Variants in ANGPT2 observed in about 807,000 individuals in gnomAD.
The protein encoded by ANGPT2 is angiopoietin 2.
A neutral mutation model predicts 62.9 loss-of-function variants in ANGPT2; 28 were observed. The ratio of observed to expected loss-of-function variants is 0.44; its 90% CI spans 0.33 to 0.61. ANGPT2 has a LOEUF of 0.61. ANGPT2 is among the 20% of genes least tolerant of loss of function. ANGPT2 has a pLI of 0.03. For synonymous variants in ANGPT2, 284 were observed against 207.8 expected (o/e 1.37, Z -3.15); for missense variants, 727 against 594.9 (o/e 1.22, Z -2.31).
chr8:6,552,815 C>CT (rs57835088), intron 1 of ANGPT2, among the ~76,000 whole-genome samples: 9,153 of 146,194 alleles, frequency 0.063, 639 homozygotes, highest in African/African-American at 0.18. Flanking sequence ...GTTATTCCTG[C>CT]TTTTTTTTTT....
At chr8:6,551,051 G>C (rs559047765) in intron 1 of ANGPT2, among the ~76,000 whole-genome samples, 10 of 152,322 alleles carry the variant, frequency 6.6e-5, no homozygotes, top group South Asian at 4.1e-4. Context: ...CCCTTGTTTT[G>C]AGAAGGGGTA....
At chr8:6,548,562 C>T (rs1823025455) in intron 1 of ANGPT2, among the ~76,000 whole-genome samples, 1 of 152,216 alleles carries the variant, frequency 6.6e-6, no homozygotes, top group Admixed American at 6.5e-5. Context: ...ACCAGCCAAA[C>T]TTGCAAGGCA....
chr8:6,513,189 T>A (rs1383461447), intron 7 of ANGPT2, among the ~76,000 whole-genome samples: 1 of 152,218 alleles, frequency 6.6e-6, no homozygotes, highest in East Asian at 1.9e-4. Flanking sequence ...GAAGTTTCTT[T>A]TATATTGTTA....
chr8:6,532,094 C>T (rs948892876), intron 2 of ANGPT2, among the ~76,000 whole-genome samples: 2 of 152,300 alleles, frequency 1.3e-5, no homozygotes, highest in Non-Finnish European at 2.9e-5. Context: ...AAATGACTCA[C>T]ATGTCTTCAG....
At chr8:6,561,487 C>T (rs930609239) in intron 1 of ANGPT2, among the ~76,000 whole-genome samples, 2 of 152,290 alleles carry the variant, frequency 1.3e-5, no homozygotes, top group East Asian at 3.9e-4. Flanking sequence ...TTCTGAGATT[C>T]AGATAAGGTG....
In ANGPT2 at chr8:6,528,202, T is replaced by C. The variant is rs1437230797; in HGVS notation, c.445-526A>G. Among the ~76,000 whole-genome samples the C allele has an allele frequency of 2.6e-5, 4 of 152,244 alleles. No individual in the cohort carries two copies. The East Asian group carries it at 5.8e-4, about 22-fold the overall frequency. ...CATTAGCCACTGCACCCGGCCGTTA[T>C]GTCTCTATCTTGGAAAGTGGTTAGT... On this transcript the variant is annotated intron_variant, in intron 2 of 8. Coordinates refer to ENST00000629816, the MANE Select transcript of ANGPT2 (RefSeq NM_001118887.2).
At chr8:6,522,637 G>T (rs1313237126) in intron 3 of ANGPT2, among the ~76,000 whole-genome samples, 1 of 151,756 alleles carries the variant, frequency 6.6e-6, no homozygotes, top group Non-Finnish European at 1.5e-5. Context: ...AGCCAAGCGT[G>T]GGGGTACATG....
intron 7 of ANGPT2, 62 bp from the exon 8 acceptor site, chr8:6,509,124 A>G: frequency 6.4e-7 from 1 of 1,570,894 alleles, no homozygotes; most frequent in South Asian, 1.2e-5. Context: ...GTAGTGGCAA[A>G]TTTTTTGTGA....
At chr8:6,535,643 TAAAAG>T (rs554100886) in intron 1 of ANGPT2, among the ~76,000 whole-genome samples, 88 of 152,220 alleles carry the variant, frequency 5.8e-4, no homozygotes, top group Non-Finnish European at 1.1e-3. Flanking sequence ...ATCATTTAAA[TAAAAG>T]AAAATTCTGT....
At chr8:6,533,415 G>T (rs56268917) in intron 1 of ANGPT2, among the ~76,000 whole-genome samples, 3,661 of 152,202 alleles carry the variant, frequency 0.024, 73 homozygotes, top group Non-Finnish European at 0.035. Flanking sequence ...TTATAGTCTT[G>T]GTTCTAGGAA....
chr8:6,507,512 T>C (rs909532659), intron 8 of ANGPT2: 3 of 152,056 alleles, frequency 2.0e-5, no homozygotes, highest in African/African-American at 7.2e-5. Context: ...CTAAGTAGCG[T>C]TTGTTCCTGT....
intron 4 of ANGPT2, among the ~76,000 whole-genome samples, chr8:6,520,905 G>C (rs886460997): frequency 2.6e-5 from 4 of 152,160 alleles, no homozygotes; most frequent in African/African-American, 9.7e-5. Flanking sequence ...TTAGTAATTT[G>C]CCCAGTCTCA....
intron 5 of ANGPT2, among the ~76,000 whole-genome samples, chr8:6,515,956 C>T (rs561172533): frequency 7.6e-4 from 115 of 152,252 alleles, no homozygotes; most frequent in African/African-American, 2.7e-3. Context: ...AGTGCAGTGG[C>T]TGCCTGATGC....
chr8:6,513,719 C>A lies in ANGPT2; in HGVS notation c.1155G>T (p.Leu385Phe), dbSNP rs149383060. 6.2e-7 allele frequency: 1 copy of A among 1,613,380 alleles called. No homozygotes were observed. Among genetic ancestry groups the A allele is most frequent in the East Asian group, 2.2e-5 (1 of 44,846 alleles). Reference protein sequence around the residue: ...KDWEGNEAYSLYEHFYLSSEE... With the variant: ...KDWEGNEAYSFYEHFYLSSEE... ...CACTTGAGAGATAGAAATGTTCATA[C>A]AATGAGTAAGCCTCATTCCCTTCCC... The change falls in exon 7 of 9, where the codon TTG becomes TTT. Residue 385 changes from leucine (L) to phenylalanine (F), a missense_variant. Coordinates refer to ENST00000629816, the MANE Select transcript of ANGPT2 (RefSeq NM_001118887.2).
At position 6,500,182 on chromosome 8, in the gene ANGPT2, A is replaced by G. The variant is rs1239098457; in HGVS notation, c.*2919T>C. The G allele has an allele frequency of 6.3e-6, 3 of 479,176 alleles. No individual in the cohort carries two copies. Among genetic ancestry groups the G allele is most frequent in the Non-Finnish European group, 1.1e-5 (3 of 263,274 alleles). The allele number at this position is 479,176 out of a possible 1,614,324, so 29.7% of individuals were successfully genotyped here. ...TTGACGATTAACATCCTCAGAACTG[A>G]GAAAAACAAAAATGAAAAAAGACTG... On this transcript the variant is annotated 3_prime_UTR_variant, in exon 9 of 9. Transcript: ENST00000629816.
At chr8:6,559,070 C>T (rs941349790) in intron 1 of ANGPT2, among the ~76,000 whole-genome samples, 21 of 152,182 alleles carry the variant, frequency 1.4e-4, no homozygotes, top group Admixed American at 3.3e-4. Flanking sequence ...ATGTAGCCAG[C>T]GGATACAGTA....
rs114379696 is a variant in ANGPT2 at position 6,543,488 on chromosome 8, G to A, written c.289-11001C>T. ...TGAGCAAAACGCACTGACGGGCAAT[G>A]TGCGTGGGTCGTGGGGAGCATCCAG... On this transcript the variant is annotated intron_variant, in intron 1 of 8. Transcript: ENST00000629816. Among the ~76,000 whole-genome samples the A allele has an allele frequency of 7.9e-3, 1,203 of 152,296 alleles. 16 individuals carry two copies. The highest frequency in any genetic ancestry group is 0.027 in the African/African-American group (1,132 of 41,566).
At position 6,500,000 on chromosome 8, in the gene ANGPT2, G is replaced by A; in HGVS notation, c.*3101C>T. On this transcript the variant is annotated 3_prime_UTR_variant, in exon 9 of 9. Coordinates refer to ENST00000629816, the MANE Select transcript of ANGPT2 (RefSeq NM_001118887.2). ...TCAAGAAATTATTATAAACATAAGGGTGGACTTAAGTTTTTATCCAGTCAA... is the reference window on the plus strand; with the variant it reads ...TCAAGAAATTATTATAAACATAAGGATGGACTTAAGTTTTTATCCAGTCAA... 7 of 1,326,808 alleles carry A rather than the reference G, an allele frequency of 5.3e-6. No homozygotes were observed. Among genetic ancestry groups the A allele is most frequent in the Non-Finnish European group, 7.6e-6 (7 of 920,082 alleles). 82.2% of individuals were successfully genotyped at this position (1,326,808 alleles called of 1,614,324 possible). A position where few individuals can be genotyped will look rare whatever the true frequency, so the allele number is the denominator to read the frequency against.
In ANGPT2 at chr8:6,500,725, A is replaced by G. The variant is rs1412262292; in HGVS notation, c.*2376T>C. On this transcript the variant is annotated 3_prime_UTR_variant, in exon 9 of 9. Transcript: ENST00000629816. ...ATAAACATTTTCTTAAGGAGAGACA[A>G]AAGCTCCTCTCAGCAAAACTGTTTG... The G allele has an allele frequency of 6.6e-6, 1 of 152,224 alleles. No individual in the cohort carries two copies. Among genetic ancestry groups the G allele is most frequent in the Non-Finnish European group, 1.5e-5 (1 of 68,042 alleles). 9.4% of individuals were successfully genotyped at this position (152,224 alleles called of 1,614,324 possible).
Sources: gnomAD v4.1 joint callset for allele counts (sites outside exome capture counted in the v4.1 genomes callset) on GRCh38, gnomAD v4.1.1 for gene constraint, MANE v1.5 for transcripts, NCBI Gene and HGNC (gene_info 2026-07-23, HGNC 2026-07-21) for gene names.